Variants in SPIDR observed in about 807,000 individuals in gnomAD.
SPIDR encodes the protein scaffold protein involved in DNA repair, also known as DNA repair-scaffolding protein.
A neutral mutation model predicts 104.6 loss-of-function variants in SPIDR; 93 were observed. The ratio of observed to expected loss-of-function variants is 0.89; its 90% CI spans 0.75 to 1.06. SPIDR has a LOEUF of 1.06. Ranked by LOEUF, SPIDR falls within the 50% of genes least tolerant of loss-of-function variation. The probability of loss-of-function intolerance (pLI) is 0.00; values close to 1 mark genes in which losing one functional copy is unlikely to be tolerated. For missense variants in SPIDR, 1,154 were observed against 1,111.2 expected, an observed-to-expected ratio of 1.04 and a Z score of -0.55; for synonymous variants, 431 against 416.9, an observed-to-expected ratio of 1.03 and a Z score of -0.41.
At chr8:47,555,176 GA>G (rs1564321515) in intron 8 of SPIDR, among the ~76,000 whole-genome samples, 1 of 152,156 alleles carries the variant, frequency 6.6e-6, no homozygotes, top group Non-Finnish European at 1.5e-5. Flanking sequence ...CCAAAGGGTA[GA>G]TTTTAGAAGC....
intron 8 of SPIDR, among the ~76,000 whole-genome samples, chr8:47,584,715 T>A (rs1329799770): frequency 1.3e-5 from 2 of 152,194 alleles, no homozygotes; most frequent in East Asian, 3.9e-4. Flanking sequence ...CTTTATCATA[T>A]CTTTAAAAAA....
At chr8:47,426,026 C>T (rs551664397) in intron 7 of SPIDR, among the ~76,000 whole-genome samples, 36 of 151,362 alleles carry the variant, frequency 2.4e-4, no homozygotes, top group Admixed American at 2.3e-3. Flanking sequence ...AGGCAGATCA[C>T]GAGGTCAGGA....
Position 47,280,020 on chromosome 8 carries a change from A to G in SPIDR, c.189+3A>G. ...TTCAGAACACTTCTGGGAATCCGGT[A>G]AAGTATCTGTAGAATTGTTTTCCCT... On this transcript the variant is annotated splice_donor_region_variant and intron_variant, in intron 2 of 19. Transcript: ENST00000297423. 6.2e-7 allele frequency: 1 copy of G among 1,613,096 alleles called. No homozygotes were observed. The highest frequency in any genetic ancestry group is 1.1e-5 in the South Asian group (1 of 90,960).
intron 6 of SPIDR, among the ~76,000 whole-genome samples, chr8:47,399,239 T>C (rs76327450): frequency 0.04 from 6,141 of 152,178 alleles, 368 homozygotes; most frequent in African/African-American, 0.13. Context: ...GTTGTCTCTG[T>C]CGTGGTGAAG....
chr8:47,272,240 T>TA (rs2035488499), intron 1 of SPIDR, among the ~76,000 whole-genome samples: 1 of 149,134 alleles, frequency 6.7e-6, no homozygotes, highest in Non-Finnish European at 1.5e-5. Flanking sequence ...GTGCTGGGGT[T>TA]ATAGGCATGA....
chr8:47,301,230 T>C (rs2042024041), intron 5 of SPIDR, among the ~76,000 whole-genome samples: 1 of 152,226 alleles, frequency 6.6e-6, no homozygotes, highest in Non-Finnish European at 1.5e-5. Context: ...TGATCTTTGT[T>C]GGCTTAAAGT....
At chr8:47,386,960 T>A (rs2060021026) in intron 5 of SPIDR, among the ~76,000 whole-genome samples, 1 of 151,376 alleles carries the variant, frequency 6.6e-6, no homozygotes, top group African/African-American at 2.4e-5. Flanking sequence ...TAGATATAGA[T>A]ATAGATACAG....
chr8:47,735,349 T>G lies in SPIDR; in HGVS notation c.2647T>G (p.Leu883Val). ...TGTCCTCGGAAAGGAAGTGGGGTTGTTAAATTGTTTTGTCCAGTCCGTAAC... is the reference window on the plus strand; with the variant it reads ...TGTCCTCGGAAAGGAAGTGGGGTTGGTAAATTGTTTTGTCCAGTCCGTAAC... ...KSVLGKEVGL[L>V]NCFVQSVTAH... is the part of the protein sequence containing the mutation. The change falls in exon 20 of 20, where the codon TTA (leucine) becomes GTA (valine). Residue 883 changes from leucine to valine, a missense_variant. Transcript: ENST00000297423. The G allele has an allele frequency of 1.2e-6, 2 of 1,613,948 alleles. No individual in the cohort carries two copies. Among genetic ancestry groups the G allele is most frequent in the Non-Finnish European group, 1.7e-6 (2 of 1,179,990 alleles).
intron 6 of SPIDR, among the ~76,000 whole-genome samples, chr8:47,406,123 T>A (rs2062725266): frequency 6.6e-6 from 1 of 151,952 alleles, no homozygotes; most frequent in Non-Finnish European, 1.5e-5. Flanking sequence ...GGTCACAGCA[T>A]TGAAAAGCAA....
chr8:47,470,704 A>G (rs1554720367), intron 8 of SPIDR, among the ~76,000 whole-genome samples: 2 of 152,244 alleles, frequency 1.3e-5, no homozygotes, highest in African/African-American at 2.4e-5. Context: ...TACACCATAT[A>G]CAAAAATCAA....
At chr8:47,299,101 C>G (rs1309811388) in intron 5 of SPIDR, among the ~76,000 whole-genome samples, 1 of 146,742 alleles carries the variant, frequency 6.8e-6, no homozygotes, top group Non-Finnish European at 1.6e-5. Context: ...GAATGTTCTT[C>G]CATTTGTTTG....
intron 1 of SPIDR, among the ~76,000 whole-genome samples, chr8:47,269,466 C>T (rs1254333340): frequency 2.6e-5 from 4 of 151,304 alleles, no homozygotes; most frequent in South Asian, 2.1e-4. Flanking sequence ...CCATGTTGGC[C>T]GGGCTGGTAT....
intron 1 of SPIDR, among the ~76,000 whole-genome samples, chr8:47,269,241 T>C (rs2034749163): frequency 6.7e-6 from 1 of 148,768 alleles, no homozygotes; most frequent in Admixed American, 6.8e-5. Flanking sequence ...CACTCCAGCC[T>C]GGGCAACAGA....
intron 5 of SPIDR, among the ~76,000 whole-genome samples, chr8:47,297,713 T>A (rs1199171209): frequency 1.3e-5 from 2 of 151,900 alleles, no homozygotes; most frequent in Non-Finnish European, 2.9e-5. Context: ...CGCTGTTTGG[T>A]TTTTTGTCCT....
At chr8:47,687,817 C>G (rs962110400) in intron 11 of SPIDR, among the ~76,000 whole-genome samples, 7 of 152,154 alleles carry the variant, frequency 4.6e-5, no homozygotes, top group African/African-American at 1.7e-4. Flanking sequence ...AATTCCAGCA[C>G]TTCGGGAGGC....
At chr8:47,723,473 AGGCT>A (rs1465735098) in intron 16 of SPIDR, among the ~76,000 whole-genome samples, 2 of 138,378 alleles carry the variant, frequency 1.4e-5, no homozygotes, top group African/African-American at 2.7e-5. Context: ...TCTGTCGCCC[AGGCT>A]GGAGTGCAGT....
intron 10 of SPIDR, among the ~76,000 whole-genome samples, chr8:47,642,717 TG>T (rs1262872055): frequency 1.3e-5 from 2 of 152,148 alleles, no homozygotes; most frequent in African/African-American, 2.4e-5. Context: ...GAGACCAGCC[TG>T]GGCAACAAAG....
At chr8:47,652,566 A>G (rs1051620892) in intron 10 of SPIDR, among the ~76,000 whole-genome samples, 1 of 152,200 alleles carries the variant, frequency 6.6e-6, no homozygotes, top group Non-Finnish European at 1.5e-5. Context: ...AGTACAGTAA[A>G]CTGAATATGG....
At position 47,592,348 on chromosome 8, in the gene SPIDR, A is replaced by T. The variant is rs572404179; in HGVS notation, c.1098-3463A>T. The T allele has an allele frequency of 8.5e-5, 102 of 1,204,114 alleles. 1 individual carries two copies. In the South Asian group the frequency reaches 1.2e-3, roughly 14 times the overall value. The allele number at this position is 1,204,114 out of a possible 1,614,324, so 74.6% of individuals were successfully genotyped here. Reference sequence around the variant, plus strand: ...GTTACCTTTCAAAATATCGAAACATATTCTTCCCAACTTGTCTACATTAGG... The same window carrying T: ...GTTACCTTTCAAAATATCGAAACATTTTCTTCCCAACTTGTCTACATTAGG... On this transcript the variant is annotated intron_variant, in intron 8 of 19. Coordinates refer to ENST00000297423, the MANE Select transcript of SPIDR (RefSeq NM_001080394.4).
Sources: gnomAD v4.1 joint callset for allele counts (sites outside exome capture counted in the v4.1 genomes callset) on GRCh38, gnomAD v4.1.1 for gene constraint, MANE v1.5 for transcripts, NCBI Gene and HGNC (gene_info 2026-07-23, HGNC 2026-07-21) for gene names.